RBM26: variants seen among roughly 807,000 people sequenced by gnomAD.
RBM26 encodes RNA binding motif protein 26.
In RBM26, 30 loss-of-function variants were observed where a neutral mutation model predicts 123.6. The ratio of observed to expected loss-of-function variants is 0.24; its 90% CI spans 0.18 to 0.33. RBM26 has a LOEUF of 0.33. RBM26 is among the 10% of genes least tolerant of loss of function. RBM26 has a pLI of 1.00. For synonymous variants in RBM26, 400 were observed against 404.4 expected, an observed-to-expected ratio of 0.99 and a Z score of 0.13; for missense variants, 947 against 1,203.6, an observed-to-expected ratio of 0.79 and a Z score of 3.15.
intron 10 of RBM26, among the ~76,000 whole-genome samples, chr13:79,359,304 C>G (rs534286674): frequency 1.3e-5 from 2 of 152,202 alleles, no homozygotes; most frequent in African/African-American, 4.8e-5. Context: ...TAGTATTCAA[C>G]AGGTCTAAGT....
chr13:79,355,332 T>C lies in RBM26; in HGVS notation c.1742A>G (p.Glu581Gly), dbSNP rs1201540858. Residue 581 changes from glutamate to glycine, a missense_variant, in exon 12 of 22, where the codon GAA (glutamate) becomes GGA (glycine). This residue lies in a region of RBM26 where 493 missense variants were observed against 563.1 expected (regional missense o/e 0.88). Coordinates refer to ENST00000438737, the MANE Select transcript of RBM26 (RefSeq NM_001366735.2). ...EGALIQFATY[E>G]EAKKAISSTE... ...ACTTGATATTGCTTTCTTTGCTTCT[T>C]CGTATGTTGCAAATTGGATTAGGGC... 1 of 1,613,964 alleles carries C rather than the reference T, an allele frequency of 6.2e-7. No individual in the cohort carries two copies. The highest frequency in any genetic ancestry group is 1.7e-5 in the Admixed American group (1 of 60,020).
intron 10 of RBM26, among the ~76,000 whole-genome samples, chr13:79,358,897 G>C (rs2074337641): frequency 6.6e-6 from 1 of 152,088 alleles, no homozygotes; most frequent in Non-Finnish European, 1.5e-5. Context: ...AAAAAGAATT[G>C]TTGGAACTAT....
At chr13:79,344,407 A>G (rs2071944226) in intron 15 of RBM26, 85 bp from the exon 16 acceptor site, 7 of 1,085,698 alleles carry the variant, frequency 6.4e-6, no homozygotes, top group Non-Finnish European at 9.7e-6. Context: ...TTGTAACTGC[A>G]GAAGTCTGTC....
At chr13:79,322,189 C>A (rs1310074504) in intron 21 of RBM26, 160 bp downstream of exon 21, 2 of 433,118 alleles carry the variant, frequency 4.6e-6, no homozygotes, top group Admixed American at 8.8e-5. Context: ...TTCTCATTAT[C>A]CAGAAAATTT....
chr13:79,341,323 C>A, intron 17 of RBM26, 96 bp from the exon 18 acceptor site: 1 of 669,692 alleles, frequency 1.5e-6, no homozygotes, highest in Non-Finnish European at 2.4e-6. Flanking sequence ...CCCATTTAAT[C>A]CATATATTTC....
intron 14 of RBM26, among the ~76,000 whole-genome samples, chr13:79,346,448 T>C (rs4884129): frequency 0.5 from 76,702 of 151,912 alleles, 19,767 homozygotes; most frequent in Middle Eastern, 0.6. Flanking sequence ...GCCCAGATCT[T>C]GGCTCACTGA....
At chr13:79,351,060 A>G (rs1282699935) in intron 14 of RBM26, among the ~76,000 whole-genome samples, 4 of 152,304 alleles carry the variant, frequency 2.6e-5, no homozygotes, top group African/African-American at 7.2e-5. Context: ...TTGCATTAGC[A>G]TAATATATGG....
chr13:79,355,415 T>C (rs1482552573), intron 11 of RBM26, 31 bp from the exon 12 acceptor site: 1 of 1,577,398 alleles, frequency 6.3e-7, no homozygotes, highest in Non-Finnish European at 8.7e-7. Flanking sequence ...AACAGTGAAT[T>C]TCCAAAGGAA....
At position 79,378,806 on chromosome 13, in the gene RBM26, T is replaced by A; in HGVS notation, c.173A>T (p.Asp58Val). The A allele has an allele frequency of 1.3e-6, 2 of 1,585,976 alleles. No homozygotes were observed. Among genetic ancestry groups the A allele is most frequent in the Non-Finnish European group, 8.6e-7 (1 of 1,157,130 alleles). ...GATCTTACCTTTCTGAAGAAATACATCCAGCTGATCAATACATAATGCCTT... is the reference window on the plus strand; with the variant it reads ...GATCTTACCTTTCTGAAGAAATACAACCAGCTGATCAATACATAATGCCTT... ...ELKALCIDQL[D>V]VFLQKETQIF... Residue 58 changes from aspartate (D) to valine (V), a missense_variant, in exon 2 of 22, where the codon GAT becomes GTT. Around this residue, in one of 5 missense-constraint regions of RBM26, gnomAD observed 275 missense variants for 361.0 expected, o/e 0.76. Transcript: ENST00000438737.
At chr13:79,343,831 A>G (rs896996656) in intron 16 of RBM26, among the ~76,000 whole-genome samples, 2 of 151,904 alleles carry the variant, frequency 1.3e-5, no homozygotes, top group African/African-American at 4.8e-5. Context: ...GCACATCTCA[A>G]TTTGGACTAG....
At chr13:79,401,854 T>C (rs1185555443) in intron 1 of RBM26, among the ~76,000 whole-genome samples, 1 of 152,178 alleles carries the variant, frequency 6.6e-6, no homozygotes, top group Non-Finnish European at 1.5e-5. Context: ...AGATCTTCCT[T>C]CCACCACACA....
Position 79,350,965 on chromosome 13 carries a change from C to T in RBM26, c.2058+2188G>A, listed in dbSNP as rs566062755. ...ACTGTTTTCCTTAATAGGCTGTTTACGGTATTTATCAAAAATATTTTTCCC... is the reference window on the plus strand; with the variant it reads ...ACTGTTTTCCTTAATAGGCTGTTTATGGTATTTATCAAAAATATTTTTCCC... On this transcript the variant is annotated intron_variant, in intron 14 of 21. Transcript: ENST00000438737. Among the ~76,000 whole-genome samples the T allele has an allele frequency of 3.9e-5, 6 of 152,152 alleles. No homozygotes were observed. In the East Asian group the frequency reaches 9.7e-4, roughly 25 times the overall value.
chr13:79,318,118 A>G (rs926348447), downstream of RBM26, among the ~76,000 whole-genome samples: 6 of 151,686 alleles, frequency 4.0e-5, no homozygotes, highest in East Asian at 9.7e-4. Flanking sequence ...GGGTATAAGT[A>G]TGAACTGGCG....
chr13:79,389,625 C>T (rs763010396), intron 1 of RBM26: 4 of 151,946 alleles, frequency 2.6e-5, no homozygotes, highest in Non-Finnish European at 5.9e-5. Flanking sequence ...GTGGTATGGC[C>T]GTAGATGATT....
intron 1 of RBM26, among the ~76,000 whole-genome samples, chr13:79,392,633 A>G (rs1339897432): frequency 2.0e-5 from 3 of 148,764 alleles, no homozygotes; most frequent in Non-Finnish European, 3.0e-5. Flanking sequence ...TTTCAACCTA[A>G]CTTTTATAAA....
chr13:79,319,074 C>T lies in RBM26; in HGVS notation c.*1547G>A, dbSNP rs866201934. The T allele has an allele frequency of 2.0e-6, 2 of 984,128 alleles. No homozygotes were observed. The highest frequency in any genetic ancestry group is 3.5e-5 in the African/African-American group (2 of 57,086). The allele number at this position is 984,128 out of a possible 1,614,324, so 61.0% of individuals were successfully genotyped here. On this transcript the variant is annotated 3_prime_UTR_variant, in exon 22 of 22. Transcript: ENST00000438737. ...ATAAACGTAGACACGAATTGCAAGG[C>T]AAAGCATTTCTATGAAATAGTGTTA...
Position 79,358,420 on chromosome 13 carries a change from TATTAAA to T in RBM26, c.1537_1542del (p.Phe513_Asn514del). On this transcript the variant is annotated inframe_deletion, in exon 11 of 22. Coordinates refer to ENST00000438737, the MANE Select transcript of RBM26 (RefSeq NM_001366735.2). ...TTCTGAAAGCCTGGGCTGTTTGTTC[TATTAAA>T]ATTTGGTCTGCAAACAAAATTCAAG... 6.2e-7 allele frequency: 1 copy of T among 1,608,332 alleles called. No homozygotes were observed. The highest frequency in any genetic ancestry group is 8.5e-7 in the Non-Finnish European group (1 of 1,178,372).
chr13:79,344,757 T>C lies in RBM26; in HGVS notation c.2096A>G (p.Tyr699Cys). ...STSTGLTKTVYNPAALKAAQK... is the reference protein window; with the variant it reads ...STSTGLTKTVCNPAALKAAQK... Reference sequence around the variant, plus strand: ...TGCAGCCTTCAAAGCAGCTGGATTATACACTGTTTTTGTTAGGCCAGTAGA... The same window carrying C: ...TGCAGCCTTCAAAGCAGCTGGATTACACACTGTTTTTGTTAGGCCAGTAGA... Residue 699 changes from tyrosine (Y) to cysteine (C), a missense_variant, in exon 15 of 22, where the codon TAT becomes TGT. Around this residue, in one of 5 missense-constraint regions of RBM26, gnomAD observed 493 missense variants for 563.1 expected, o/e 0.88. Transcript: ENST00000438737. 6.2e-7 allele frequency: 1 copy of C among 1,613,356 alleles called. No homozygotes were observed. The highest frequency in any genetic ancestry group is 8.5e-7 in the Non-Finnish European group (1 of 1,179,448).
intron 11 of RBM26, 127 bp from the exon 12 acceptor site, chr13:79,355,511 T>A: frequency 1.5e-6 from 1 of 670,098 alleles, no homozygotes; most frequent in Non-Finnish European, 2.5e-6. Context: ...TCTTGGTATC[T>A]GGATTAGTAG....
Sources: gnomAD v4.1 joint callset for allele counts (sites outside exome capture counted in the v4.1 genomes callset) on GRCh38, gnomAD v4.1.1 for gene constraint, gnomAD v4.1.1 regional missense constraint, MANE v1.5 for transcripts, NCBI Gene and HGNC (gene_info 2026-07-23, HGNC 2026-07-21) for gene names.